The following KANK1 variants were observed in gnomAD, a reference collection of about 807,000 sequenced individuals.
KANK1 encodes KN motif and ankyrin repeat domains 1.
A neutral mutation model predicts 106.2 loss-of-function variants in KANK1; 109 were observed. The observed-to-expected ratio is 1.03, with a 90% CI of 0.88 to 1.20. The LOEUF (loss-of-function observed/expected upper bound fraction) is 1.20, where lower values mean the gene tolerates loss of function less well. KANK1 is among the 50% of genes most tolerant of loss of function. KANK1 has a pLI of 0.00. For missense variants in KANK1, 2,399 were observed against 1,710.7 expected, an observed-to-expected ratio of 1.40 and a Z score of -7.10; for synonymous variants, 873 against 652.2, an observed-to-expected ratio of 1.34 and a Z score of -5.16.
rs754091448 is a variant in KANK1 at position 736,574 on chromosome 9, C to A, written c.3334-1711C>A. ...ATTAGCCAGGTATGATGGCATGTAC[C>A]CATGGTCCTAGCTACTTGGGAGGCT... is the stretch of plus-strand genomic sequence containing the variant. On this transcript the variant is annotated intron_variant, in intron 7 of 11. Transcript: ENST00000382297. Among the ~76,000 whole-genome samples, 4 of 152,078 alleles carry A rather than the reference C, an allele frequency of 2.6e-5. No homozygotes were observed. In the East Asian group the frequency reaches 5.8e-4, roughly 22 times the overall value.
chr9:731,662 G>T (rs1405967905), intron 5 of KANK1: 1 of 155,298 alleles, frequency 6.4e-6, no homozygotes, highest in Non-Finnish European at 1.4e-5. Flanking sequence ...TTCAAAATGG[G>T]TCCTTTTGCT....
At position 712,409 on chromosome 9, in the gene KANK1, G is replaced by A; in HGVS notation, c.1643G>A (p.Gly548Asp). ...ACCTCCGTGGAAACAAACAGTGTAG[G>A]CATCTCCTGCCAGCCTGAATGTAAG... ...VGTSVETNSV[G>D]ISCQPECKNK... Residue 548 changes from glycine to aspartate, a missense_variant, in exon 3 of 12, where the codon GGC (glycine) becomes GAC (aspartate). By Grantham distance (94) the Gly-to-Asp change is moderately conservative. Coordinates refer to ENST00000382297, the MANE Select transcript of KANK1 (RefSeq NM_015158.5). 1.2e-6 allele frequency: 2 copies of A among 1,614,184 alleles called. No homozygotes were observed. The highest frequency in any genetic ancestry group is 1.7e-6 in the Non-Finnish European group (2 of 1,180,042).
intron 1 of KANK1, among the ~76,000 whole-genome samples, chr9:571,464 G>C (rs901807328): frequency 6.6e-6 from 1 of 151,984 alleles, no homozygotes; most frequent in African/African-American, 2.4e-5. Flanking sequence ...GGAATGTATT[G>C]CTTGTTAAGA....
chr9:684,085 G>A (rs1818080517), intron 2 of KANK1: 1 of 858,368 alleles, frequency 1.2e-6, no homozygotes, highest in Non-Finnish European at 1.4e-6. Flanking sequence ...GAGAGGTTTT[G>A]AAAAGCCCCT....
chr9:585,429 G>C (rs969203602), intron 1 of KANK1, among the ~76,000 whole-genome samples: 1 of 152,134 alleles, frequency 6.6e-6, no homozygotes, highest in Non-Finnish European at 1.5e-5. Context: ...CATTGATGAT[G>C]GAACAAGCTC....
chr9:564,035 T>C (rs2134506948), intron 1 of KANK1, among the ~76,000 whole-genome samples: 1 of 152,034 alleles, frequency 6.6e-6, no homozygotes, highest in East Asian at 1.9e-4. Context: ...GTCTGTCTCC[T>C]AGTGTCATAG....
intron 1 of KANK1, among the ~76,000 whole-genome samples, chr9:559,878 C>A (rs528403418): frequency 6.8e-4 from 104 of 152,302 alleles, no homozygotes; most frequent in African/African-American, 2.3e-3. Flanking sequence ...TTCACATACT[C>A]TTCCTTCTGC....
intron 3 of KANK1, chr9:492,278 T>C (rs1320436094): frequency 1.3e-5 from 2 of 152,226 alleles, no homozygotes; most frequent in Non-Finnish European, 2.9e-5. Context: ...TTAAATAGAA[T>C]GATAGTACTT....
At position 711,833 on chromosome 9, in the gene KANK1, C is replaced by T; in HGVS notation, c.1067C>T (p.Thr356Ile). ...GACTATGAGGAGGAAGAAATGGAGA[C>T]CGTAGAACAGAGCACGCAGAGGATA... ...YIDYEEEEME[T>I]VEQSTQRIKE... The change falls in exon 3 of 12, where the codon ACC becomes ATC. Residue 356 changes from threonine to isoleucine, a missense_variant. By Grantham distance (89) the Thr-to-Ile change is moderately conservative (BLOSUM62 -1). Coordinates refer to ENST00000382297, the MANE Select transcript of KANK1 (RefSeq NM_015158.5). 2.5e-6 allele frequency: 4 copies of T among 1,614,092 alleles called. No individual in the cohort carries two copies. The highest frequency in any genetic ancestry group is 3.4e-6 in the Non-Finnish European group (4 of 1,180,016).
intron 2 of KANK1, among the ~76,000 whole-genome samples, chr9:682,022 G>A (rs1817647572): frequency 6.6e-6 from 1 of 152,150 alleles, no homozygotes; most frequent in Admixed American, 6.5e-5. Flanking sequence ...GCTTACGCCT[G>A]TAATTCCAGC....
intron 1 of KANK1, among the ~76,000 whole-genome samples, chr9:647,076 C>CCA (rs1839836999): frequency 6.6e-6 from 1 of 151,086 alleles, no homozygotes; most frequent in African/African-American, 2.5e-5. Flanking sequence ...GAAGCCATCC[C>CCA]CATGACTTTG....
At chr9:734,096 G>T (rs1190689481) in intron 6 of KANK1, 2 of 109,420 alleles carry the variant, frequency 1.8e-5, no homozygotes, top group South Asian at 3.2e-4. Flanking sequence ...GCAACAGAGT[G>T]AGACCTTGTC....
At chr9:652,590 A>G (rs1841155099) in intron 1 of KANK1, among the ~76,000 whole-genome samples, 1 of 152,220 alleles carries the variant, frequency 6.6e-6, no homozygotes, top group Non-Finnish European at 1.5e-5. Flanking sequence ...AGGAAGGTCA[A>G]ATGAGACAAA....
At chr9:728,255 C>T (rs937522140) in intron 3 of KANK1, among the ~76,000 whole-genome samples, 2 of 152,114 alleles carry the variant, frequency 1.3e-5, no homozygotes, top group African/African-American at 2.4e-5. Flanking sequence ...GGCTGGAGTG[C>T]AATGGCACGA....
At chr9:744,307 A>C (rs1360597707) in intron 10 of KANK1, among the ~76,000 whole-genome samples, 184 bp from the exon 11 acceptor site, 1 of 152,226 alleles carries the variant, frequency 6.6e-6, no homozygotes. Context: ...GGCTTGCCTC[A>C]TTCATCTTCA....
intron 1 of KANK1, among the ~76,000 whole-genome samples, chr9:618,560 C>G (rs900867580): frequency 6.6e-6 from 1 of 152,018 alleles, no homozygotes; most frequent in African/African-American, 2.4e-5. Context: ...AGTCAAAATA[C>G]TTATCGGAAC....
At chr9:662,227 A>G (rs1056488848) in intron 1 of KANK1, among the ~76,000 whole-genome samples, 2 of 152,186 alleles carry the variant, frequency 1.3e-5, no homozygotes, top group African/African-American at 2.4e-5. Context: ...GGAAGAATCA[A>G]TATTGTGAAA....
At chr9:599,106 C>T (rs1827075799) in intron 1 of KANK1, among the ~76,000 whole-genome samples, 1 of 149,914 alleles carries the variant, frequency 6.7e-6, no homozygotes, top group Admixed American at 6.6e-5. Context: ...ACAGCCTCCA[C>T]CTCCCAGGGT....
At chr9:673,162 C>T (rs145498300) in intron 1 of KANK1, among the ~76,000 whole-genome samples, 1 of 150,224 alleles carries the variant, frequency 6.7e-6, no homozygotes, top group Non-Finnish European at 1.5e-5. Flanking sequence ...TCTCTTTGCA[C>T]AGACACTGCC....
Sources: gnomAD v4.1 joint callset for allele counts (sites outside exome capture counted in the v4.1 genomes callset) on GRCh38, gnomAD v4.1.1 for gene constraint, MANE v1.5 for transcripts, NCBI Gene and HGNC (gene_info 2026-07-23, HGNC 2026-07-21) for gene names.